Variants in GRIA2 observed in about 807,000 individuals in gnomAD.
GRIA2 encodes the protein glutamate receptor 2.
A neutral mutation model predicts 97.3 loss-of-function variants in GRIA2; 14 were observed. That is an observed-to-expected ratio of 0.14 (90% CI 0.10 to 0.23). The LOEUF (loss-of-function observed/expected upper bound fraction) is 0.23, where lower values mean the gene tolerates loss of function less well. Among genes scored for constraint, GRIA2 ranks in the 10% least tolerant of loss-of-function variants. The probability of loss-of-function intolerance (pLI) is 1.00; values close to 1 mark genes in which losing one functional copy is unlikely to be tolerated. For missense variants in GRIA2, 558 were observed against 1,069.8 expected, an observed-to-expected ratio of 0.52 and a Z score of 6.67; for synonymous variants, 412 against 387.8, an observed-to-expected ratio of 1.06 and a Z score of -0.73.
chr4:157,275,930 A>G (rs1732287233), intron 2 of GRIA2, among the ~76,000 whole-genome samples: 1 of 152,160 alleles, frequency 6.6e-6, no homozygotes, highest in Non-Finnish European at 1.5e-5. Context: ...TGGGGATGGC[A>G]TTGAATCTAT....
rs940603578 is a variant in GRIA2, at chr4:157,364,346, T to C, written c.*915T>C. ...AGTTTGGTCATAAATCAAGTGAGTT[T>C]AAAGACACTACCAAGTTGTTAGGTG... On this transcript the variant is annotated 3_prime_UTR_variant, in exon 16 of 16. Coordinates refer to ENST00000264426, the MANE Select transcript of GRIA2 (RefSeq NM_001083619.3). 2.6e-5 allele frequency: 4 copies of C among 152,546 alleles called. No homozygotes were observed. The highest frequency in any genetic ancestry group is 9.6e-5 in the African/African-American group (4 of 41,558). 9.4% of individuals were successfully genotyped at this position (152,546 alleles called of 1,614,324 possible).
At chr4:157,266,182 C>T (rs911747237) in intron 2 of GRIA2, among the ~76,000 whole-genome samples, 1 of 152,060 alleles carries the variant, frequency 6.6e-6, no homozygotes, top group African/African-American at 2.4e-5. Flanking sequence ...GCTCATAAAA[C>T]ATCCAATAAA....
intron 2 of GRIA2, among the ~76,000 whole-genome samples, chr4:157,293,690 T>C (rs1259780557): frequency 2.6e-5 from 4 of 152,124 alleles, no homozygotes; most frequent in African/African-American, 4.8e-5. Context: ...TTCAAATAAA[T>C]GTAAGGGCCA....
intron 2 of GRIA2, among the ~76,000 whole-genome samples, chr4:157,226,260 T>C (rs1440063840): frequency 6.6e-6 from 1 of 152,048 alleles, no homozygotes; most frequent in Non-Finnish European, 1.5e-5. Flanking sequence ...GAGAAAATAT[T>C]GTTGTTTCAT....
chr4:157,232,708 C>T (rs1730075517), intron 2 of GRIA2, among the ~76,000 whole-genome samples: 1 of 152,066 alleles, frequency 6.6e-6, no homozygotes, highest in African/African-American at 2.4e-5. Context: ...TCAGAGCACA[C>T]ACAAGTTCAG....
intron 11 of GRIA2, among the ~76,000 whole-genome samples, chr4:157,339,189 T>TGC (rs1225272714): frequency 6.6e-6 from 1 of 151,978 alleles, no homozygotes; most frequent in African/African-American, 2.4e-5. Flanking sequence ...TTGTCCTGTT[T>TGC]GCTTCTGGAT....
chr4:157,236,487 T>C (rs1478022404), intron 2 of GRIA2, among the ~76,000 whole-genome samples: 2 of 152,132 alleles, frequency 1.3e-5, no homozygotes, highest in African/African-American at 2.4e-5. Flanking sequence ...TGTTGTTATG[T>C]GGCCTTTTTG....
chr4:157,224,201 C>G (rs1729641862), intron 2 of GRIA2, among the ~76,000 whole-genome samples: 1 of 152,000 alleles, frequency 6.6e-6, no homozygotes. Context: ...GTTCACATTT[C>G]CAGAGACTAA....
chr4:157,248,016 T>C (rs975158727), intron 2 of GRIA2, among the ~76,000 whole-genome samples: 2 of 152,002 alleles, frequency 1.3e-5, no homozygotes, highest in African/African-American at 4.8e-5. Flanking sequence ...GGTTGTAGAG[T>C]TCTCCCTTAA....
chr4:157,329,015 T>C (rs971350386), intron 6 of GRIA2, among the ~76,000 whole-genome samples: 1 of 151,988 alleles, frequency 6.6e-6, no homozygotes, highest in African/African-American at 2.4e-5. Flanking sequence ...ATATTCAATA[T>C]GCTTTACAGT....
chr4:157,304,971 C>G (rs2126869739), intron 3 of GRIA2, among the ~76,000 whole-genome samples: 1 of 152,228 alleles, frequency 6.6e-6, no homozygotes, highest in East Asian at 1.9e-4. Flanking sequence ...AAAAAATTTG[C>G]TGTGTCAACA....
intron 11 of GRIA2, among the ~76,000 whole-genome samples, chr4:157,340,390 A>G (rs531537335): frequency 2.0e-5 from 3 of 152,024 alleles, no homozygotes; most frequent in Admixed American, 6.6e-5. Context: ...ATCTTTTTCT[A>G]TATCTCTATA....
chr4:157,260,704 A>C (rs1019202573), intron 2 of GRIA2, among the ~76,000 whole-genome samples: 1 of 152,100 alleles, frequency 6.6e-6, no homozygotes, highest in Non-Finnish European at 1.5e-5. Context: ...ACTTTGGAAA[A>C]AAAGGGAAAA....
chr4:157,283,732 T>C (rs994423578), intron 2 of GRIA2, among the ~76,000 whole-genome samples: 2 of 151,962 alleles, frequency 1.3e-5, no homozygotes, highest in Non-Finnish European at 2.9e-5. Flanking sequence ...TTTTGAAAGT[T>C]GTTAGAAATT....
chr4:157,304,182 T>C (rs1176587138), intron 3 of GRIA2, among the ~76,000 whole-genome samples: 4 of 152,218 alleles, frequency 2.6e-5, no homozygotes, highest in African/African-American at 9.6e-5. Flanking sequence ...AATATTGTTA[T>C]ATGCAAAAGT....
At chr4:157,362,591 A>G (rs971025456) in intron 14 of GRIA2, 2 of 609,078 alleles carry the variant, frequency 3.3e-6, no homozygotes, top group African/African-American at 1.8e-5. Context: ...TAGTCGATTG[A>G]GTCCACCAAA....
chr4:157,270,081 T>G (rs1184905575), intron 2 of GRIA2, among the ~76,000 whole-genome samples: 1 of 152,188 alleles, frequency 6.6e-6, no homozygotes, highest in East Asian at 1.9e-4. Flanking sequence ...TTTGTAAGTA[T>G]AAACTGTTTT....
In GRIA2 at chr4:157,303,686, C is replaced by A. The variant is rs949545259; in HGVS notation, c.364C>A (p.His122Asn). The A allele has an allele frequency of 3.1e-6, 5 of 1,614,048 alleles. No homozygotes were observed. The highest frequency in any genetic ancestry group is 1.7e-5 in the Admixed American group (1 of 60,012). ...ITPSFPTDGT[H>N]PFVIQMRPDL... Reference sequence around the variant, plus strand: ...TCCCAGCTTCCCAACAGATGGCACACATCCATTTGTCATTCAGATGAGACC... The same window carrying A: ...TCCCAGCTTCCCAACAGATGGCACAAATCCATTTGTCATTCAGATGAGACC... The change falls in exon 3 of 16, where the codon CAT becomes AAT. Residue 122 changes from histidine to asparagine, a missense_variant. Physicochemically the swap from His to Asn is moderately conservative, Grantham distance 68. This residue lies in a region of GRIA2 where 96 missense variants were observed against 176.6 expected (regional missense o/e 0.54). Transcript: ENST00000264426.
chr4:157,284,152 T>C (rs1000353173), intron 2 of GRIA2, among the ~76,000 whole-genome samples: 6 of 151,886 alleles, frequency 4.0e-5, no homozygotes, highest in Admixed American at 3.9e-4. Flanking sequence ...AATTTATAAT[T>C]CTTCTGAAGC....
Sources: allele counts gnomAD v4.1 joint callset (sites outside exome capture counted in the v4.1 genomes callset), GRCh38; gene constraint gnomAD v4.1.1; regional missense constraint gnomAD v4.1.1; transcripts MANE v1.5; gene names NCBI Gene and HGNC (gene_info 2026-07-23, HGNC 2026-07-21).